Variants in COG5 observed in about 807,000 individuals in gnomAD.
COG5 encodes conserved oligomeric Golgi complex subunit 5.
Under a neutral mutation model 110.4 loss-of-function variants are expected in COG5, and 86 were observed. That is an observed-to-expected ratio of 0.78 (90% CI 0.65 to 0.93). The LOEUF (loss-of-function observed/expected upper bound fraction) is 0.93, where lower values mean the gene tolerates loss of function less well. Among genes scored for constraint, COG5 ranks in the 40% least tolerant of loss-of-function variants. The pLI is 0.00. For synonymous variants in COG5, 360 were observed against 334.6 expected (o/e 1.08, Z -0.83); for missense variants, 1,077 against 987.0 (o/e 1.09, Z -1.22).
chr7:107,237,191 T>C (rs1801261448), intron 17 of COG5, among the ~76,000 whole-genome samples: 1 of 152,214 alleles, frequency 6.6e-6, no homozygotes, highest in South Asian at 2.1e-4. Flanking sequence ...CCAACAGAAT[T>C]CTGACTGTGG....
chr7:107,262,539 C>A (rs115189811), intron 14 of COG5, among the ~76,000 whole-genome samples: 2 of 152,040 alleles, frequency 1.3e-5, no homozygotes, highest in Non-Finnish European at 2.9e-5. Flanking sequence ...CAAGTCAATG[C>A]CTGAGTGTGA....
intron 7 of COG5, among the ~76,000 whole-genome samples, chr7:107,398,559 A>G (rs1791181401): frequency 6.6e-6 from 1 of 152,148 alleles, no homozygotes; most frequent in Non-Finnish European, 1.5e-5. Context: ...TTCATCCCAA[A>G]ACCACCACCT....
At chr7:107,225,612 C>T (rs370226539) in intron 19 of COG5, among the ~76,000 whole-genome samples, 1 of 152,230 alleles carries the variant, frequency 6.6e-6, no homozygotes, top group East Asian at 1.9e-4. Context: ...CCTCCCTGAG[C>T]TCAGGTCCTC....
intron 5 of COG5, among the ~76,000 whole-genome samples, chr7:107,532,477 T>G (rs528431366): frequency 2.0e-5 from 3 of 152,238 alleles, no homozygotes; most frequent in Non-Finnish European, 4.4e-5. Flanking sequence ...ATTTGATTTA[T>G]GCCACAATAC....
intron 6 of COG5, among the ~76,000 whole-genome samples, chr7:107,514,655 T>C (rs1243645618): frequency 6.6e-6 from 1 of 152,138 alleles, no homozygotes; most frequent in African/African-American, 2.4e-5. Flanking sequence ...CAGATGGGTG[T>C]CCTTAGGACC....
chr7:107,499,138 G>C (rs939515788), intron 6 of COG5, among the ~76,000 whole-genome samples: 8 of 152,086 alleles, frequency 5.3e-5, no homozygotes, highest in African/African-American at 1.9e-4. Context: ...GCTGCCAGGG[G>C]CTGGGGGAGA....
chr7:107,374,950 A>G (rs1438447552), intron 7 of COG5, among the ~76,000 whole-genome samples: 1 of 152,010 alleles, frequency 6.6e-6, no homozygotes, highest in African/African-American at 2.4e-5. Flanking sequence ...TATTATCACA[A>G]AGTGAACACA....
chr7:107,453,686 T>C (rs142495680), intron 6 of COG5, among the ~76,000 whole-genome samples: 1 of 152,238 alleles, frequency 6.6e-6, no homozygotes, highest in African/African-American at 2.4e-5. Flanking sequence ...CTTCATTACA[T>C]CACATGTTCA....
In COG5 at chr7:107,452,868, G is replaced by C. The variant is rs545533863; in HGVS notation, c.539-40236C>G. Among the ~76,000 whole-genome samples the C allele has an allele frequency of 4.6e-5, 7 of 152,212 alleles. No individual in the cohort carries two copies. The East Asian group carries it at 1.3e-3, about 29-fold the overall frequency. On this transcript the variant is annotated intron_variant, in intron 6 of 21. Transcript: ENST00000297135. ...AATCTGAACAAGCACCCATCCCCTT[G>C]ATCTGGCAAATACTTGAGTATTCTT...
chr7:107,424,920 G>C (rs983453482), intron 6 of COG5, among the ~76,000 whole-genome samples: 47 of 152,114 alleles, frequency 3.1e-4, no homozygotes, highest in Non-Finnish European at 1.0e-4. Flanking sequence ...AGTGGACACT[G>C]ACTTTGCAAT....
chr7:107,403,454 A>C (rs1021134709), intron 7 of COG5, among the ~76,000 whole-genome samples: 3 of 151,392 alleles, frequency 2.0e-5, no homozygotes. Flanking sequence ...TTTGTTATAT[A>C]GGTATACACG....
chr7:107,211,000 C>T (rs1799119926), intron 20 of COG5, 99 bp downstream of exon 20: 1 of 1,373,988 alleles, frequency 7.3e-7, no homozygotes, highest in South Asian at 1.2e-5. Flanking sequence ...CTAAACAAAG[C>T]AGCAGAGGGC....
intron 7 of COG5, among the ~76,000 whole-genome samples, chr7:107,406,894 T>C (rs1255432826): frequency 6.6e-6 from 1 of 152,142 alleles, no homozygotes; most frequent in Non-Finnish European, 1.5e-5. Context: ...TCCCATTAGA[T>C]TAATACAAAA....
At chr7:107,266,204 T>G (rs1161235195) in intron 14 of COG5, among the ~76,000 whole-genome samples, 2 of 152,196 alleles carry the variant, frequency 1.3e-5, no homozygotes, top group Non-Finnish European at 2.9e-5. Context: ...ACACAGGAAT[T>G]TGTCACTTTC....
chr7:107,542,132 G>T (rs1220571339), intron 5 of COG5, among the ~76,000 whole-genome samples: 2 of 151,980 alleles, frequency 1.3e-5, no homozygotes, highest in East Asian at 3.8e-4. Flanking sequence ...TATCTTGTGA[G>T]AATTTTTCAT....
intron 10 of COG5, among the ~76,000 whole-genome samples, chr7:107,326,778 A>T (rs1048712796): frequency 1.3e-5 from 2 of 152,212 alleles, no homozygotes; most frequent in African/African-American, 4.8e-5. Context: ...ATAAAAAAAT[A>T]CTAAAATTAA....
chr7:107,540,506 A>C (rs1010546208), intron 5 of COG5, among the ~76,000 whole-genome samples: 3 of 151,622 alleles, frequency 2.0e-5, no homozygotes, highest in Non-Finnish European at 4.4e-5. Flanking sequence ...TGAGCCCAGC[A>C]CTTAGAGGTT....
At chr7:107,542,556 T>C (rs1360374894) in intron 5 of COG5, among the ~76,000 whole-genome samples, 1 of 152,202 alleles carries the variant, frequency 6.6e-6, no homozygotes, top group East Asian at 1.9e-4. Context: ...TGAGCCAACA[T>C]ATATTTGTAA....
Position 107,294,314 on chromosome 7 carries a change from A to G in COG5, c.1313+3828T>C, listed in dbSNP as rs1035300515. Among the ~76,000 whole-genome samples the G allele has an allele frequency of 2.4e-4, 36 of 152,132 alleles. 1 individual carries two copies. Among genetic ancestry groups the G allele is most frequent in the Non-Finnish European group, 5.3e-4 (36 of 68,024 alleles). On this transcript the variant is annotated intron_variant, in intron 12 of 21. Coordinates refer to ENST00000297135, the MANE Select transcript of COG5 (RefSeq NM_006348.5). ...CTCAAATCCATGGCTTGCCCTCTAC[A>G]TATCCTGTTTCAAAAATACATCTTG... is the stretch of plus-strand genomic sequence containing the variant.
Sources: gnomAD v4.1 joint callset for allele counts (sites outside exome capture counted in the v4.1 genomes callset) on GRCh38, gnomAD v4.1.1 for gene constraint, MANE v1.5 for transcripts, NCBI Gene and HGNC (gene_info 2026-07-23, HGNC 2026-07-21) for gene names.